Variants in MINAR1 observed in about 807,000 individuals in gnomAD.
MINAR1 encodes the protein major intrinsically disordered Notch2-binding receptor 1.
MINAR1 carries 40 observed loss-of-function variants against 65.1 expected under a neutral mutation model. The observed-to-expected ratio is 0.61, with a 90% confidence interval of 0.48 to 0.80. MINAR1 has a LOEUF of 0.80. MINAR1 is among the 30% of genes least tolerant of loss of function. The pLI, the probability that MINAR1 is intolerant of heterozygous loss-of-function variation, is 0.00. For synonymous variants in MINAR1, 482 were observed against 449.1 expected (o/e 1.07, Z -0.93); for missense variants, 1,128 against 1,148.0 (o/e 0.98, Z 0.25).
rs1480984790 is a variant in MINAR1, at chr15:79,471,119, G to C, written c.*2735G>C. 1.3e-5 allele frequency: 2 copies of C among 152,092 alleles called. No individual in the cohort carries two copies. Among genetic ancestry groups the C allele is most frequent in the African/African-American group, 4.8e-5 (2 of 41,382 alleles). The allele number at this position is 152,092 out of a possible 1,614,324, so 9.4% of individuals were successfully genotyped here. On this transcript the variant is annotated 3_prime_UTR_variant, in exon 4 of 4. Transcript: ENST00000305428. ...CTCTAATCTTTGCCCATCACCTCCT[G>C]TTGCAATGAGTTCCCGCAGGTGACA...
intron 1 of MINAR1, among the ~76,000 whole-genome samples, chr15:79,434,740 C>A (rs879377515): frequency 1.3e-5 from 2 of 152,190 alleles, no homozygotes; most frequent in Admixed American, 6.5e-5. Context: ...CCTCTGCAGA[C>A]TTGGTGTAAA....
chr15:79,445,689 C>T (rs967553979), intron 1 of MINAR1, among the ~76,000 whole-genome samples: 4 of 151,982 alleles, frequency 2.6e-5, no homozygotes, highest in African/African-American at 9.7e-5. Flanking sequence ...GCTGGGATTA[C>T]AGGCATGTAC....
intron 1 of MINAR1, among the ~76,000 whole-genome samples, chr15:79,448,201 A>G (rs1895074690): frequency 6.6e-6 from 1 of 152,202 alleles, no homozygotes; most frequent in African/African-American, 2.4e-5. Context: ...TTCTTGCCAG[A>G]TCTGGAAATT....
At chr15:79,448,538 G>C (rs933949713) in intron 1 of MINAR1, among the ~76,000 whole-genome samples, 10 of 152,138 alleles carry the variant, frequency 6.6e-5, no homozygotes, top group Non-Finnish European at 1.5e-4. Flanking sequence ...AAACAAGCAG[G>C]CCAACACCGA....
chr15:79,452,184 TGTGA>T (rs201779632), intron 1 of MINAR1, among the ~76,000 whole-genome samples: 7,813 of 149,102 alleles, frequency 0.052, 604 homozygotes, highest in African/African-American at 0.18. Context: ...TGTAGGTCTG[TGTGA>T]GTGTGTGTAG....
intron 1 of MINAR1, among the ~76,000 whole-genome samples, chr15:79,443,020 G>C (rs1031005899): frequency 6.6e-6 from 1 of 152,090 alleles, no homozygotes; most frequent in Admixed American, 6.5e-5. Flanking sequence ...TAAGGTTACC[G>C]AGATGACTGA....
At position 79,457,147 on chromosome 15, in the gene MINAR1, C is replaced by G; in HGVS notation, c.1000C>G (p.Leu334Val). 1 of 1,614,158 alleles carries G rather than the reference C, an allele frequency of 6.2e-7. No homozygotes were observed. Among genetic ancestry groups the G allele is most frequent in the Non-Finnish European group, 8.5e-7 (1 of 1,180,028 alleles). The change falls in exon 2 of 4, where the codon CTT (leucine) becomes GTT (valine). Residue 334 changes from leucine to valine, a missense_variant. Transcript: ENST00000305428. ...RRAKHESLDD[L>V]QASTYFGPTP... is the part of the protein sequence containing the mutation. Reference sequence around the variant, plus strand: ...AGCAAAGCACGAAAGCTTAGATGACCTTCAAGCCTCTACATATTTTGGGCC... The same window carrying G: ...AGCAAAGCACGAAAGCTTAGATGACGTTCAAGCCTCTACATATTTTGGGCC...
chr15:79,452,909 C>A (rs1895283342), intron 1 of MINAR1, among the ~76,000 whole-genome samples: 1 of 147,740 alleles, frequency 6.8e-6, no homozygotes, highest in South Asian at 2.2e-4. Context: ...CTGGGTGAAT[C>A]TGAGTGAAGC....
At chr15:79,420,408 TAAG>T in the MINAR1 span, 5 of 152,156 alleles carry the variant, frequency 3.3e-5, no homozygotes, top group African/African-American at 4.8e-5. Flanking sequence ...TACAGTAAAA[TAAG>T]AATAAATTTT....
chr15:79,468,273 A>G lies in MINAR1; in HGVS notation c.2640A>G (p.Lys880=). The G allele has an allele frequency of 1.2e-6, 2 of 1,614,086 alleles. No homozygotes were observed. The highest frequency in any genetic ancestry group is 1.7e-6 in the Non-Finnish European group (2 of 1,179,950). The change falls in exon 4 of 4, where the codon AAA becomes AAG. Residue 880 remains lysine (K), a synonymous_variant. Coordinates refer to ENST00000305428, the MANE Select transcript of MINAR1 (RefSeq NM_015206.3). ...TPGYDSLLKR[K]EAEFRRAKVC... is the part of the protein sequence containing the mutation. ...GATACGATTCATTACTAAAACGTAAAGAAGCCGAATTCAGACGAGCCAAGG... is the reference window on the plus strand; with the variant it reads ...GATACGATTCATTACTAAAACGTAAGGAAGCCGAATTCAGACGAGCCAAGG...
At position 79,442,937 on chromosome 15, in the gene MINAR1, C is replaced by T. The variant is rs374143101; in HGVS notation, c.-51+10397C>T. Among the ~76,000 whole-genome samples the T allele has an allele frequency of 3.1e-4, 47 of 152,236 alleles. No homozygotes were observed. In the East Asian group the frequency reaches 8.1e-3, roughly 26 times the overall value. ...TTAAAGAAAAGAATATGATATAGTT[C>T]AAGTCCCACCTGCCACTTGTTTTGT... On this transcript the variant is annotated intron_variant, in intron 1 of 3. Coordinates refer to ENST00000305428, the MANE Select transcript of MINAR1 (RefSeq NM_015206.3).
the MINAR1 span, chr15:79,423,341 T>C: frequency 6.6e-6 from 1 of 152,248 alleles, no homozygotes; most frequent in African/African-American, 2.4e-5. Flanking sequence ...CTGACCTTCT[T>C]TTATTTCCTT....
the MINAR1 span, chr15:79,418,621 C>T: frequency 6.6e-6 from 1 of 152,320 alleles, no homozygotes; most frequent in African/African-American, 2.4e-5. Flanking sequence ...CAGCTGGGGA[C>T]ACCATAAGTG....
At chr15:79,454,484 G>A (rs992263432) in intron 1 of MINAR1, among the ~76,000 whole-genome samples, 10 of 152,132 alleles carry the variant, frequency 6.6e-5, no homozygotes, top group African/African-American at 1.7e-4. Flanking sequence ...AGCAGTATGC[G>A]ACCAGGGAAA....
intron 2 of MINAR1, among the ~76,000 whole-genome samples, chr15:79,460,488 C>T (rs1194044170): frequency 2.6e-5 from 4 of 152,192 alleles, no homozygotes; most frequent in Non-Finnish European, 4.4e-5. Context: ...CTTTGTCCAG[C>T]GTAGCTACCA....
intron 2 of MINAR1, among the ~76,000 whole-genome samples, chr15:79,458,784 G>A (rs1019162658): frequency 1.3e-5 from 2 of 152,208 alleles, no homozygotes; most frequent in African/African-American, 4.8e-5. Context: ...ATATCTTCCT[G>A]TCCTTTCTGA....
intron 1 of MINAR1, among the ~76,000 whole-genome samples, chr15:79,451,570 G>C (rs923037058): frequency 6.6e-5 from 10 of 152,170 alleles, no homozygotes; most frequent in African/African-American, 1.7e-4. Flanking sequence ...GGCCCGATGG[G>C]GGCCTGATGT....
chr15:79,413,953 A>T, the MINAR1 span: 3 of 152,246 alleles, frequency 2.0e-5, no homozygotes, highest in Non-Finnish European at 4.4e-5. Flanking sequence ...CTTCTACTGA[A>T]AATGGCAGCC....
intron 1 of MINAR1, among the ~76,000 whole-genome samples, chr15:79,437,845 G>A (rs1894671451): frequency 1.9e-5 from 1 of 53,888 alleles, no homozygotes; most frequent in Non-Finnish European, 4.1e-5. Flanking sequence ...GAGTGTGTGG[G>A]GTGTGGGTGG....
Sources: gnomAD v4.1 joint callset for allele counts (sites outside exome capture counted in the v4.1 genomes callset) on GRCh38, gnomAD v4.1.1 for gene constraint, MANE v1.5 for transcripts, NCBI Gene and HGNC (gene_info 2026-07-23, HGNC 2026-07-21) for gene names.